The following DNAH1 variants were observed in gnomAD, a reference collection of about 807,000 sequenced individuals.
DNAH1 encodes the protein axonemal beta dynein heavy chain 1.
A neutral mutation model predicts 484.3 loss-of-function variants in DNAH1; 327 were observed. That is an observed-to-expected ratio of 0.68 (90% CI 0.62 to 0.74). DNAH1 has a LOEUF of 0.74. Among genes scored for constraint, DNAH1 ranks in the 30% least tolerant of loss-of-function variants. The pLI, the probability that DNAH1 is intolerant of heterozygous loss-of-function variation, is 0.00. For missense variants in DNAH1, 5,052 were observed against 5,546.8 expected (o/e 0.91, Z 2.83); for synonymous variants, 2,192 against 2,191.9 (o/e 1.00, Z 0.00).
Position 52,347,849 on chromosome 3 carries a change from A to T in DNAH1, c.1981A>T (p.Met661Leu). The T allele has an allele frequency of 6.3e-7, 1 of 1,599,082 alleles. No individual in the cohort carries two copies. Among genetic ancestry groups the T allele is most frequent in the Non-Finnish European group, 8.5e-7 (1 of 1,172,132 alleles). The change falls in exon 12 of 78, where the codon ATG (methionine) becomes TTG (leucine). Residue 661 changes from methionine (M) to leucine (L), a missense_variant. By Grantham distance (15) the Met-to-Leu change is conservative. This residue lies in a region of DNAH1 where 1,263 missense variants were observed against 1,218.8 expected (regional missense o/e 1.04). Transcript: ENST00000420323. ...GCCCCGGAAGAATCCCCTGTTCATC[A>T]TGGACCTGGTGCTGGACAGCTCTGG... is the stretch of plus-strand genomic sequence containing the variant. ...YRPRKNPLFI[M>L]DLVLDSSGVH...
intron 56 of DNAH1, among the ~76,000 whole-genome samples, chr3:52,387,455 T>C (rs1704157409): frequency 6.6e-6 from 1 of 152,180 alleles, no homozygotes. Flanking sequence ...GGCAGCTGCC[T>C]GTCCCACACA....
rs767144733 is a variant in DNAH1 at position 52,326,879 on chromosome 3, C to A, written c.726C>A (p.Tyr242Ter). Residue 242 changes from tyrosine (Y) to a stop codon, truncating the protein, a stop_gained, in exon 5 of 78, where the codon TAC becomes TAA. Transcript: ENST00000420323. LOFTEE classifies it high-confidence loss of function. ...GCCATGACCCAATCTTCCCCATCTA[C>A]CTCCCACTGAAGGTGAGCCGGGCTT... ...EQGHDPIFPI[Y>*]LPLKVFDNED... The A allele has an allele frequency of 8.1e-6, 13 of 1,612,736 alleles. No homozygotes were observed. The highest frequency in any genetic ancestry group is 1.1e-5 in the Non-Finnish European group (13 of 1,179,384).
At chr3:52,376,072 G>A (rs2153224939) in intron 46 of DNAH1, 79 bp downstream of exon 46, 5 of 1,548,604 alleles carry the variant, frequency 3.2e-6, no homozygotes, top group Non-Finnish European at 3.5e-6. Flanking sequence ...TTGAGGCTGC[G>A]ACCAGGCGCC....
At chr3:52,360,260 C>T in intron 27 of DNAH1, 51 bp from the exon 28 acceptor site, 3 of 1,547,978 alleles carry the variant, frequency 1.9e-6, no homozygotes, top group Non-Finnish European at 2.7e-6. Context: ...ATATACCCTG[C>T]CCAGTGGCCC....
At chr3:52,331,020 C>A in intron 6 of DNAH1, 128 bp from the exon 7 acceptor site, 1 of 1,184,248 alleles carries the variant, frequency 8.4e-7, no homozygotes, top group Non-Finnish European at 1.2e-6. Context: ...CAGAGGGGGG[C>A]ATCCCAGCGG....
chr3:52,350,680 C>T, intron 16 of DNAH1, 90 bp downstream of exon 16: 2 of 1,215,758 alleles, frequency 1.6e-6, no homozygotes, highest in Non-Finnish European at 2.4e-6. Flanking sequence ...CCCCAGCTGC[C>T]ACAGTCTGTG....
chr3:52,391,504 A>C lies in DNAH1; in HGVS notation c.9953A>C (p.Glu3318Ala). 1 of 1,613,618 alleles carries C rather than the reference A, an allele frequency of 6.2e-7. No homozygotes were observed. The highest frequency in any genetic ancestry group is 1.1e-5 in the South Asian group (1 of 91,038). ...GGGGACACGGTGATCCCCTACCATG[A>C]GGACTTCAGGATGTACATCACCACC... ...KLGDTVIPYH[E>A]DFRMYITTKL... is the part of the protein sequence containing the mutation. Residue 3318 changes from glutamate (E) to alanine (A), a missense_variant, in exon 63 of 78, where the codon GAG becomes GCG. Glu to Ala is a moderately radical substitution (Grantham distance 107, BLOSUM62 -1). Around this residue, in one of 4 missense-constraint regions of DNAH1, gnomAD observed 2,929 missense variants for 3,409.4 expected, o/e 0.86. Transcript: ENST00000420323.
At position 52,350,061 on chromosome 3, in the gene DNAH1, C is replaced by T. The variant is rs1702308566; in HGVS notation, c.2599C>T (p.Leu867=). 1 of 1,613,180 alleles carries T rather than the reference C, an allele frequency of 6.2e-7. No homozygotes were observed. Among genetic ancestry groups the T allele is most frequent in the Non-Finnish European group, 8.5e-7 (1 of 1,179,756 alleles). The change falls in exon 15 of 78, where the codon CTG becomes TTG. Residue 867 remains leucine, a synonymous_variant. Transcript: ENST00000420323. The part of the protein sequence containing the change: ...KPNSIEELAE[L]REWMKGIPER... ...CAACAGCATTGAGGAGCTGGCTGAG[C>T]TGCGAGAGTGGATGAAGGGCATCCC...
rs1324237715 is a variant in DNAH1 at position 52,345,658 on chromosome 3, C to T, written c.1608C>T (p.Tyr536=). ...MSLFHSSLSK[Y]SHLEEFEQIQ... ...TGTTCCACTCGAGCCTCTCCAAGTA[C>T]AGCCACCTGGAGGAATTTGAGCAGA... The change falls in exon 10 of 78, where the codon TAC becomes TAT. Residue 536 remains tyrosine, a synonymous_variant. Transcript: ENST00000420323. The T allele has an allele frequency of 1.2e-6, 2 of 1,613,114 alleles. No homozygotes were observed. The highest frequency in any genetic ancestry group is 1.1e-5 in the South Asian group (1 of 90,802).
In DNAH1 at chr3:52,357,700, C is replaced by T. The variant is rs751478610; in HGVS notation, c.3945C>T (p.Ser1315=). ...TGGACCTGGTGCAGAAGGGCCTCAG[C>T]GAGTATCTGGAGACCAAGAGGAGCG... ...KILDLVQKGL[S]EYLETKRSAF... Residue 1315 remains serine, a synonymous_variant, in exon 23 of 78, where the codon AGC becomes AGT. Transcript: ENST00000420323. 7.6e-6 allele frequency: 12 copies of T among 1,586,910 alleles called. No homozygotes were observed. The highest frequency in any genetic ancestry group is 2.3e-5 in the East Asian group (1 of 43,598).
intron 1 of DNAH1, among the ~76,000 whole-genome samples, chr3:52,316,892 C>T (rs1700967808): frequency 6.6e-6 from 1 of 152,222 alleles, no homozygotes; most frequent in Non-Finnish European, 1.5e-5. Context: ...TTTGAGAAGG[C>T]TGTGGGCAGG....
rs1702106715 is a variant in DNAH1 at position 52,345,546 on chromosome 3, C to T, written c.1496C>T (p.Thr499Ile). ...YHFWEQKEDF[T>I]FVSLLTRPEV... The stretch of plus-strand genomic sequence containing the variant: ...TTCTGGGAGCAGAAGGAGGACTTCA[C>T]TTTCGTGTCCCTGCTCACACGGCCA... Residue 499 changes from threonine (T) to isoleucine (I), a missense_variant, in exon 10 of 78, where the codon ACT (threonine) becomes ATT (isoleucine). Thr to Ile is a moderately conservative substitution (Grantham distance 89). Coordinates refer to ENST00000420323, the MANE Select transcript of DNAH1 (RefSeq NM_015512.5). 2 of 1,587,186 alleles carry T rather than the reference C, an allele frequency of 1.3e-6. No individual in the cohort carries two copies. The highest frequency in any genetic ancestry group is 1.8e-5 in the Admixed American group (1 of 55,648).
Position 52,361,656 on chromosome 3 carries a change from C to T in DNAH1, c.4875-5C>T. Reference sequence around the variant, plus strand: ...TGCCCCATCCAATGTTCCGGCCTCACTCAGTGCTGGGGCCTGGGCCTGCTT... The same window carrying T: ...TGCCCCATCCAATGTTCCGGCCTCATTCAGTGCTGGGGCCTGGGCCTGCTT... On this transcript the variant is annotated splice_polypyrimidine_tract_variant and splice_region_variant and intron_variant, in intron 29 of 77. Transcript: ENST00000420323. The surrounding 1 kb of genome is among the most constrained non-coding windows in gnomAD (Gnocchi z 5.6). The T allele has an allele frequency of 6.2e-7, 1 of 1,600,086 alleles. No homozygotes were observed. Among genetic ancestry groups the T allele is most frequent in the Non-Finnish European group, 8.5e-7 (1 of 1,173,616 alleles).
upstream of DNAH1, among the ~76,000 whole-genome samples, chr3:52,313,356 G>T (rs1210557125): frequency 6.6e-6 from 1 of 152,078 alleles, no homozygotes; most frequent in Non-Finnish European, 1.5e-5. Context: ...TGAGAGGAGT[G>T]TGAGGCCAGG....
In DNAH1 at chr3:52,364,940, G is replaced by A. The variant is rs1559533989; in HGVS notation, c.5439G>A (p.Lys1813=). 1 of 1,613,988 alleles carries A rather than the reference G, an allele frequency of 6.2e-7. No individual in the cohort carries two copies. Among genetic ancestry groups the A allele is most frequent in the Non-Finnish European group, 8.5e-7 (1 of 1,179,882 alleles). ...GIVSDLFPTI[K]EEDTDYGILD... ...TGTCCGACCTGTTTCCCACCATCAA[G>A]GAGGAGGACACGGACTACGGCATCC... is the stretch of plus-strand genomic sequence containing the variant. Residue 1813 remains lysine, a synonymous_variant, in exon 34 of 78, where the codon AAG becomes AAA. Coordinates refer to ENST00000420323, the MANE Select transcript of DNAH1 (RefSeq NM_015512.5). The surrounding 1 kb of genome is among the most constrained non-coding windows in gnomAD (Gnocchi z 4.2).
intron 8 of DNAH1, among the ~76,000 whole-genome samples, chr3:52,339,981 G>A (rs574713065): frequency 1.3e-5 from 2 of 152,080 alleles, no homozygotes; most frequent in Non-Finnish European, 2.9e-5. Flanking sequence ...TAAGTCATAT[G>A]CCTTTCAAAG....
At position 52,397,835 on chromosome 3, in the gene DNAH1, G is replaced by A; in HGVS notation, c.11916G>A (p.Leu3972=). ...CCCTCCTGGGCACCATCATCCAGCT[G>A]CAACCCAAATCATCTTCTGCAGGCA... ...TFALLGTIIQ[L]QPKSSSAGSQ... The change falls in exon 74 of 78, where the codon CTG becomes CTA. Residue 3972 remains leucine, a synonymous_variant. Transcript: ENST00000420323. 6.2e-7 allele frequency: 1 copy of A among 1,611,856 alleles called. No individual in the cohort carries two copies. The highest frequency in any genetic ancestry group is 8.5e-7 in the Non-Finnish European group (1 of 1,178,810).
Position 52,326,333 on chromosome 3 carries a change from T to TG in DNAH1, c.581+23dup. On this transcript the variant is annotated intron_variant, in intron 4 of 77. Coordinates refer to ENST00000420323, the MANE Select transcript of DNAH1 (RefSeq NM_015512.5). ...TCGAGAGGTACGGCTGGGTGGGCTG[T>TG]GGGGAGACTGTCGGGGAGGTGGCAT... is the stretch of plus-strand genomic sequence containing the variant. The TG allele has an allele frequency of 6.3e-7, 1 of 1,595,540 alleles. No homozygotes were observed. The highest frequency in any genetic ancestry group is 8.5e-7 in the Non-Finnish European group (1 of 1,176,078).
chr3:52,323,966 G>A, intron 3 of DNAH1, 86 bp downstream of exon 3: 2 of 1,037,416 alleles, frequency 1.9e-6, no homozygotes, highest in East Asian at 5.3e-5. Flanking sequence ...CCTTTTCTTG[G>A]CTGTGGGCCC....
Sources: allele counts gnomAD v4.1 joint callset (sites outside exome capture counted in the v4.1 genomes callset), GRCh38; gene constraint gnomAD v4.1.1; regional missense constraint gnomAD v4.1.1; non-coding constraint Gnocchi (gnomAD v3.1); transcripts MANE v1.5; gene names NCBI Gene and HGNC (gene_info 2026-07-23, HGNC 2026-07-21).